EPM2A: variants seen among roughly 807,000 people sequenced by gnomAD.
EPM2A encodes the protein laforin.
In EPM2A, 21 loss-of-function variants were observed where a neutral mutation model predicts 26.5. The observed-to-expected ratio is 0.79, with a 90% CI of 0.56 to 1.14. The LOEUF is 1.14. EPM2A is among the 50% of genes most tolerant of loss of function. EPM2A has a pLI of 0.00. For synonymous variants in EPM2A, 217 were observed against 177.6 expected (o/e 1.22, Z -1.76); for missense variants, 458 against 440.8 (o/e 1.04, Z -0.35).
intron 4 of EPM2A, among the ~76,000 whole-genome samples, chr6:145,472,758 C>T (rs114395662): frequency 0.013 from 1,978 of 152,176 alleles, 46 homozygotes; most frequent in African/African-American, 0.045. Flanking sequence ...CAATAGAATG[C>T]GAGATAGACT....
At chr6:145,564,220 A>C (rs568207210) in intron 2 of EPM2A, among the ~76,000 whole-genome samples, 1 of 152,346 alleles carries the variant, frequency 6.6e-6, no homozygotes, top group East Asian at 1.9e-4. Context: ...CAAATACAGA[A>C]AGCTAACTGT....
intron 4 of EPM2A, among the ~76,000 whole-genome samples, chr6:145,388,836 C>T (rs1187309826): frequency 6.6e-6 from 1 of 152,148 alleles, no homozygotes; most frequent in African/African-American, 2.4e-5. Flanking sequence ...CTGCAAAGGA[C>T]ATGAATTCAT....
intron 4 of EPM2A, among the ~76,000 whole-genome samples, chr6:145,400,933 A>G (rs1778475937): frequency 6.6e-6 from 1 of 152,076 alleles, no homozygotes; most frequent in Non-Finnish European, 1.5e-5. Context: ...AGATTTTGTG[A>G]CTTTTTGGTT....
intron 4 of EPM2A, among the ~76,000 whole-genome samples, chr6:145,455,636 T>C (rs1294258712): frequency 6.6e-6 from 1 of 152,170 alleles, no homozygotes; most frequent in Non-Finnish European, 1.5e-5. Flanking sequence ...GGATTACAGG[T>C]GTGAGCCACC....
At chr6:145,621,452 C>G (rs1310807076), downstream of EPM2A, among the ~76,000 whole-genome samples, 5 of 152,104 alleles carry the variant, frequency 3.3e-5, no homozygotes, top group Non-Finnish European at 1.5e-5. Context: ...TGGATATATA[C>G]CCAGAAGTGA....
At chr6:145,716,771 C>A (rs898044212) in intron 1 of EPM2A, among the ~76,000 whole-genome samples, 45 of 152,162 alleles carry the variant, frequency 3.0e-4, no homozygotes, top group African/African-American at 1.0e-3. Context: ...AACTTTGGCT[C>A]TTTCCTTGCC....
At chr6:145,398,274 T>A (rs1226749522) in intron 4 of EPM2A, among the ~76,000 whole-genome samples, 1 of 152,154 alleles carries the variant, frequency 6.6e-6, no homozygotes, top group African/African-American at 2.4e-5. Flanking sequence ...ATTAGTAAGG[T>A]GCTCTGTTAT....
chr6:145,680,538 C>A (rs1780441669), intron 2 of EPM2A, among the ~76,000 whole-genome samples: 4 of 152,048 alleles, frequency 2.6e-5, no homozygotes, highest in Non-Finnish European at 1.5e-5. Context: ...CTATCCCTCC[C>A]CACTCCCCCC....
At chr6:145,727,859 C>A (rs1357175790) in intron 1 of EPM2A, among the ~76,000 whole-genome samples, 2 of 152,128 alleles carry the variant, frequency 1.3e-5, no homozygotes, top group African/African-American at 4.8e-5. Flanking sequence ...TTTTTGTCCC[C>A]ACCCAAATCT....
chr6:145,642,275 T>C (rs887567564), intron 2 of EPM2A, among the ~76,000 whole-genome samples: 1 of 152,174 alleles, frequency 6.6e-6, no homozygotes, highest in Non-Finnish European at 1.5e-5. Flanking sequence ...AAAGTTAAAA[T>C]GCCATATTTA....
At chr6:145,735,606 G>C (rs1041747337), upstream of EPM2A, 2 of 1,081,480 alleles carry the variant, frequency 1.8e-6, no homozygotes, top group Non-Finnish European at 2.2e-6. Flanking sequence ...GGGAGCCCCG[G>C]GCACCGGGGA....
chr6:145,664,551 C>T (rs1196289706), intron 2 of EPM2A, among the ~76,000 whole-genome samples: 1 of 147,690 alleles, frequency 6.8e-6, no homozygotes, highest in Non-Finnish European at 1.5e-5. Flanking sequence ...TAGACTCCCA[C>T]ACATTAATAA....
intron 4 of EPM2A, among the ~76,000 whole-genome samples, chr6:145,478,122 C>T (rs916516811): frequency 4.0e-5 from 6 of 151,838 alleles, no homozygotes; most frequent in Non-Finnish European, 8.8e-5. Context: ...AGTAGCATTT[C>T]TATATGCCAA....
intron 1 of EPM2A, among the ~76,000 whole-genome samples, chr6:145,714,727 A>G (rs1775523193): frequency 6.6e-6 from 1 of 152,194 alleles, no homozygotes; most frequent in Non-Finnish European, 1.5e-5. Context: ...AGGCAAAGAG[A>G]GAGAGATCTT....
At chr6:145,708,000 G>C (rs979596285) in intron 1 of EPM2A, among the ~76,000 whole-genome samples, 5 of 152,198 alleles carry the variant, frequency 3.3e-5, no homozygotes, top group Admixed American at 1.3e-4. Flanking sequence ...TCCAGACTGA[G>C]GTGGTCTCAG....
At chr6:145,733,855 C>G (rs1776644735) in intron 1 of EPM2A, among the ~76,000 whole-genome samples, 2 of 151,926 alleles carry the variant, frequency 1.3e-5, no homozygotes, top group African/African-American at 4.8e-5. Context: ...GGCTAAATGG[C>G]CCATTTTTTT....
At chr6:145,705,450 G>C (rs2128628324) in intron 1 of EPM2A, 1 of 401,986 alleles carries the variant, frequency 2.5e-6, no homozygotes, top group East Asian at 7.1e-5. Flanking sequence ...AGCTACTTGG[G>C]AGGCTGAGGT....
chr6:145,384,978 A>C (rs1778239438), intron 4 of EPM2A, among the ~76,000 whole-genome samples: 1 of 148,044 alleles, frequency 6.8e-6, no homozygotes, highest in Non-Finnish European at 1.5e-5. Context: ...GAATACAAAG[A>C]AAAAAATACT....
intron 2 of EPM2A, among the ~76,000 whole-genome samples, chr6:145,556,580 A>T (rs1352609477): frequency 1.3e-5 from 2 of 152,124 alleles, no homozygotes; most frequent in East Asian, 3.9e-4. Context: ...CTGTACAGGG[A>T]AAGAGAGCAA....
Sources: gnomAD v4.1 joint callset for allele counts (sites outside exome capture counted in the v4.1 genomes callset) on GRCh38, gnomAD v4.1.1 for gene constraint, MANE v1.5 for transcripts, NCBI Gene and HGNC (gene_info 2026-07-23, HGNC 2026-07-21) for gene names.